FMO5: variants seen among roughly 807,000 people sequenced by gnomAD.
FMO5 encodes flavin-containing monooxygenase 5.
FMO5 carries 51 observed loss-of-function variants against 43.6 expected under a neutral mutation model. That is an observed-to-expected ratio of 1.17 (90% confidence interval 0.93 to 1.48). FMO5 has a LOEUF of 1.48. Ranked by LOEUF, FMO5 falls within the 40% of genes most tolerant of loss-of-function variation. FMO5 has a pLI of 0.00. For missense variants in FMO5, 644 were observed against 643.0 expected, an observed-to-expected ratio of 1.00 and a Z score of -0.02; for synonymous variants, 187 against 216.5, an observed-to-expected ratio of 0.86 and a Z score of 1.20.
At chr1:147,215,599 C>A in intron 3 of FMO5, 155 bp downstream of exon 3, 1 of 571,280 alleles carries the variant, frequency 1.8e-6, no homozygotes, top group Non-Finnish European at 3.0e-6. Flanking sequence ...TTTTGAGGAG[C>A]AAAGGAGGAC....
intron 7 of FMO5, among the ~76,000 whole-genome samples, chr1:147,193,697 G>C (rs1657361032): frequency 6.6e-6 from 1 of 152,100 alleles, no homozygotes; most frequent in Non-Finnish European, 1.5e-5. Context: ...AGAGATTCTG[G>C]TATGTTGTGT....
chr1:147,187,245 C>A lies in FMO5; in HGVS notation c.1257G>T (p.Arg419Ser). ...TGGTATGGCGTTGGCTCTCCACATA[C>A]CTAAAGTAGAAAAGACAGAAACCAT... ...ISKAQEEIDKRYVESQRHTIQ... is the reference protein window; with the variant it reads ...ISKAQEEIDKSYVESQRHTIQ... Residue 419 changes from arginine (R) to serine (S), a missense_variant and splice_region_variant, in exon 9 of 9, where the codon AGG becomes AGT. Transcript: ENST00000254090. The A allele has an allele frequency of 1.9e-6, 3 of 1,583,036 alleles. No individual in the cohort carries two copies. The highest frequency in any genetic ancestry group is 1.2e-5 in the South Asian group (1 of 85,972).
At chr1:147,203,265 A>G (rs1659370633) in intron 6 of FMO5, 2 of 1,506,796 alleles carry the variant, frequency 1.3e-6, no homozygotes, top group African/African-American at 2.8e-5. Flanking sequence ...AGTAAAAATT[A>G]AGCCAATTTC....
intron 7 of FMO5, among the ~76,000 whole-genome samples, chr1:147,192,235 T>A (rs1287009120): frequency 1.3e-5 from 2 of 152,114 alleles, no homozygotes; most frequent in African/African-American, 4.8e-5. Flanking sequence ...ACATCCCTTG[T>A]AAGTTGGATT....
chr1:147,214,996 C>T (rs992099418), intron 3 of FMO5: 2 of 152,062 alleles, frequency 1.3e-5, no homozygotes. Flanking sequence ...AAAGGCATGA[C>T]TTAGCAGGAT....
chr1:147,212,612 T>G (rs1257781591), intron 4 of FMO5, 77 bp from the exon 5 acceptor site: 6 of 1,382,218 alleles, frequency 4.3e-6, no homozygotes, highest in Non-Finnish European at 6.0e-6. Flanking sequence ...TTGTTTTTTT[T>G]GCAGACTTAA....
chr1:147,201,197 G>T lies in FMO5; in HGVS notation c.1138C>A (p.Pro380Thr), dbSNP rs896249198. ...CAGCGTCCTTGGAGCTCTGAAATGG[G>T]CATAATGGCTCCTAAGGGCTGAATC... ...GLIQPLGAIM[P>T]ISELQGRWAT... Residue 380 changes from proline to threonine, a missense_variant, in exon 7 of 9, where the codon CCC (proline) becomes ACC (threonine). Physicochemically the swap from Pro to Thr is conservative, Grantham distance 38 (BLOSUM62 -1). Coordinates refer to ENST00000254090, the MANE Select transcript of FMO5 (RefSeq NM_001461.4). 1 of 1,614,084 alleles carries T rather than the reference G, an allele frequency of 6.2e-7. No homozygotes were observed. Among genetic ancestry groups the T allele is most frequent in the Admixed American group, 1.7e-5 (1 of 60,012 alleles).
At chr1:147,209,108 G>A (rs1660618877) in intron 5 of FMO5, 57 bp from the exon 6 acceptor site, 1 of 1,466,782 alleles carries the variant, frequency 6.8e-7, no homozygotes, top group African/African-American at 1.4e-5. Context: ...ACCTTCAAAA[G>A]CACCCCCATT....
At chr1:147,190,275 C>T in intron 7 of FMO5, 26 bp from the exon 8 acceptor site, 1 of 1,379,740 alleles carries the variant, frequency 7.2e-7, no homozygotes, top group South Asian at 1.2e-5. Flanking sequence ...AACATTTTAA[C>T]TGTAAAATTA....
At chr1:147,203,143 T>G in intron 6 of FMO5, 1 of 532,200 alleles carries the variant, frequency 1.9e-6, no homozygotes, top group Non-Finnish European at 3.3e-6. Flanking sequence ...AACAATATGT[T>G]TATTATAACA....
At chr1:147,210,251 A>G (rs1407173279) in intron 5 of FMO5, 2 of 152,238 alleles carry the variant, frequency 1.3e-5, no homozygotes, top group Non-Finnish European at 2.9e-5. Context: ...TTTAATGGAG[A>G]AAAATAAGAT....
At chr1:147,188,093 T>G (rs1258387490) in intron 8 of FMO5, among the ~76,000 whole-genome samples, 1 of 152,134 alleles carries the variant, frequency 6.6e-6, no homozygotes, top group Non-Finnish European at 1.5e-5. Context: ...TAGGAATTTA[T>G]TGAAATGGGA....
intron 3 of FMO5, among the ~76,000 whole-genome samples, chr1:147,213,896 T>C (rs587717633): frequency 6.6e-6 from 1 of 152,212 alleles, no homozygotes; most frequent in South Asian, 2.1e-4. Context: ...TACCTTTAAA[T>C]AAGTGACTGA....
intron 7 of FMO5, among the ~76,000 whole-genome samples, chr1:147,192,451 C>T (rs1364087830): frequency 2.6e-5 from 4 of 152,116 alleles, no homozygotes; most frequent in Non-Finnish European, 5.9e-5. Context: ...ATCATGTCGT[C>T]TGCAAACAGG....
At position 147,224,813 on chromosome 1, in the gene FMO5, C is replaced by A. The variant is rs948233016; in HGVS notation, c.135+82G>T. ...GCGTGTGCCAACCGCGCCCGGCCAC[C>A]TGACACTGTTAAGATAAACTGTCGT... On this transcript the variant is annotated intron_variant, in intron 2 of 8. Coordinates refer to ENST00000254090, the MANE Select transcript of FMO5 (RefSeq NM_001461.4). The A allele has an allele frequency of 8.4e-6, 12 of 1,431,880 alleles. No homozygotes were observed. The African/African-American group carries it at 1.7e-4, about 20-fold the overall frequency. The allele number at this position is 1,431,880 out of a possible 1,614,324, so 88.7% of individuals were successfully genotyped here.
chr1:147,223,165 C>A, intron 2 of FMO5, among the ~76,000 whole-genome samples: 1 of 152,144 alleles, frequency 6.6e-6, no homozygotes, highest in Non-Finnish European at 1.5e-5. Context: ...AAGGTTTGAG[C>A]CTAAGACTGC....
rs587606288 is a variant in FMO5 at position 147,195,151 on chromosome 1, G to T, written c.1184-4902C>A. 2.6e-5 allele frequency among the ~76,000 whole-genome samples: 4 copies of T among 152,162 alleles called. No individual in the cohort carries two copies. The East Asian group carries it at 7.7e-4, about 29-fold the overall frequency. ...CCGTCACTTTCAGGTTCACCAATCC[G>T]ACGTAGATTTGGTCTTTTCACATAG... On this transcript the variant is annotated intron_variant, in intron 7 of 8. Coordinates refer to ENST00000254090, the MANE Select transcript of FMO5 (RefSeq NM_001461.4).
intron 3 of FMO5, chr1:147,214,769 A>G (rs1420228289): frequency 6.6e-6 from 1 of 151,892 alleles, no homozygotes; most frequent in African/African-American, 2.4e-5. Flanking sequence ...TATTAATTAT[A>G]TTTATAATAA....
downstream of FMO5, among the ~76,000 whole-genome samples, chr1:147,185,497 A>G (rs1553916853): frequency 6.6e-6 from 1 of 152,152 alleles, no homozygotes; most frequent in Non-Finnish European, 1.5e-5. Flanking sequence ...ACCAGTTCTC[A>G]GTTCTCTAAC....
Sources: gnomAD v4.1 joint callset for allele counts (sites outside exome capture counted in the v4.1 genomes callset) on GRCh38, gnomAD v4.1.1 for gene constraint, MANE v1.5 for transcripts, NCBI Gene and HGNC (gene_info 2026-07-23, HGNC 2026-07-21) for gene names.